PTPRD: variants seen among roughly 807,000 people sequenced by gnomAD.
PTPRD encodes receptor-type tyrosine-protein phosphatase delta.
PTPRD carries 34 observed loss-of-function variants against 214.5 expected under a neutral mutation model. The observed-to-expected ratio is 0.16, with a 90% CI of 0.12 to 0.21. PTPRD has a LOEUF of 0.21. PTPRD is among the 10% of genes least tolerant of loss of function. The probability of loss-of-function intolerance (pLI) is 1.00; values close to 1 mark genes in which losing one functional copy is unlikely to be tolerated. For missense variants in PTPRD, 2,545 were observed against 2,398.7 expected (o/e 1.06, Z -1.27); for synonymous variants, 1,128 against 845.7 (o/e 1.33, Z -5.79).
intron 4 of PTPRD, among the ~76,000 whole-genome samples, chr9:9,959,010 G>C (rs1239567263): frequency 2.6e-5 from 4 of 152,150 alleles, no homozygotes; most frequent in Admixed American, 1.3e-4. Flanking sequence ...TATAAACCCT[G>C]TTGTTTCTAA....
In PTPRD at chr9:9,101,956, G is replaced by C. The variant is rs541573462; in HGVS notation, c.-143+81348C>G. 1.3e-4 allele frequency among the ~76,000 whole-genome samples: 20 copies of C among 152,192 alleles called. 1 individual carries two copies. The South Asian group carries it at 3.7e-3, about 28-fold the overall frequency. ...ATAATGATACCTCTTGGCTATATTT[G>C]CATGGAATTTAAAAAACACACACAA... On this transcript the variant is annotated intron_variant, in intron 10 of 45. Transcript: ENST00000381196.
At chr9:10,518,535 A>ATTTT (rs370269291) in intron 2 of PTPRD, among the ~76,000 whole-genome samples, 1 of 145,872 alleles carries the variant, frequency 6.9e-6, no homozygotes, top group Non-Finnish European at 1.5e-5. Context: ...ATCATTTACA[A>ATTTT]TTTTTTTTTT....
intron 3 of PTPRD, among the ~76,000 whole-genome samples, chr9:10,239,130 T>G (rs2099638511): frequency 6.6e-6 from 1 of 151,942 alleles, no homozygotes; most frequent in African/African-American, 2.4e-5. Context: ...ATAGACTAAG[T>G]TTCCATAAAG....
chr9:9,297,868 T>G (rs1953695130), intron 9 of PTPRD, among the ~76,000 whole-genome samples: 1 of 151,814 alleles, frequency 6.6e-6, no homozygotes, highest in Non-Finnish European at 1.5e-5. Context: ...TGTCATCTAC[T>G]GTTTTAATAC....
intron 5 of PTPRD, among the ~76,000 whole-genome samples, chr9:9,892,746 A>T (rs2073795067): frequency 2.7e-5 from 4 of 148,872 alleles, no homozygotes; most frequent in South Asian, 2.1e-4. Context: ...TAACGAGGTA[A>T]AAAAAAAAAA....
chr9:8,809,046 A>G (rs777741997), intron 11 of PTPRD, among the ~76,000 whole-genome samples: 7 of 152,134 alleles, frequency 4.6e-5, no homozygotes, highest in African/African-American at 1.2e-4. Context: ...CAGTGAAACT[A>G]ACTAAGACCA....
At chr9:8,387,017 G>A (rs1001840431) in intron 37 of PTPRD, among the ~76,000 whole-genome samples, 14 of 152,262 alleles carry the variant, frequency 9.2e-5, no homozygotes, top group African/African-American at 3.4e-4. Context: ...CAGATTGGTG[G>A]TGGCTGAGAC....
At chr9:9,868,260 G>A (rs1018834956) in intron 5 of PTPRD, among the ~76,000 whole-genome samples, 4 of 152,162 alleles carry the variant, frequency 2.6e-5, no homozygotes, top group African/African-American at 7.2e-5. Context: ...GTGAGATATC[G>A]AAGATGACAG....
intron 11 of PTPRD, among the ~76,000 whole-genome samples, chr9:8,850,735 T>A (rs1295563523): frequency 6.6e-6 from 1 of 152,230 alleles, no homozygotes; most frequent in Non-Finnish European, 1.5e-5. Flanking sequence ...GAAGTCTGAA[T>A]TGGTTTTTCT....
chr9:9,610,306 AT>A (rs1434730298), intron 7 of PTPRD, among the ~76,000 whole-genome samples: 1 of 152,208 alleles, frequency 6.6e-6, no homozygotes, highest in Non-Finnish European at 1.5e-5. Context: ...TATAAACAAG[AT>A]TTAGTTAAAT....
At chr9:8,462,794 C>T (rs1045464120) in intron 32 of PTPRD, among the ~76,000 whole-genome samples, 1 of 151,804 alleles carries the variant, frequency 6.6e-6, no homozygotes, top group Admixed American at 6.6e-5. Flanking sequence ...TTTATTTAGT[C>T]CTTGTTTTTT....
chr9:9,875,526 C>T (rs943037038), intron 5 of PTPRD, among the ~76,000 whole-genome samples: 1 of 152,072 alleles, frequency 6.6e-6, no homozygotes, highest in Non-Finnish European at 1.5e-5. Flanking sequence ...GCTTTACTCT[C>T]AGGACCACCA....
At chr9:10,420,247 G>C (rs1430551987) in intron 2 of PTPRD, among the ~76,000 whole-genome samples, 2 of 151,842 alleles carry the variant, frequency 1.3e-5, no homozygotes, top group African/African-American at 4.8e-5. Context: ...AATTAACATT[G>C]AGTTTACTCT....
At chr9:10,282,483 G>A (rs1256024646) in intron 3 of PTPRD, among the ~76,000 whole-genome samples, 1 of 151,962 alleles carries the variant, frequency 6.6e-6, no homozygotes, top group African/African-American at 2.4e-5. Flanking sequence ...ATTTCCCAGG[G>A]TACTTATTTT....
At chr9:8,722,123 C>CTGTGTGTGTGTGTGTGTGTGTGTG (rs34720946) in intron 12 of PTPRD, among the ~76,000 whole-genome samples, 2 of 147,368 alleles carry the variant, frequency 1.4e-5, no homozygotes, top group African/African-American at 2.5e-5. Flanking sequence ...AAGTATTACT[C>CTGTGTGTGTGTGTGTGTGTGTGTG]TGTGTGTGTG....
At chr9:8,809,229 T>A (rs966200382) in intron 11 of PTPRD, among the ~76,000 whole-genome samples, 3 of 152,130 alleles carry the variant, frequency 2.0e-5, no homozygotes, top group Non-Finnish European at 2.9e-5. Context: ...GTAATATCTG[T>A]ATATTCAGAG....
chr9:9,459,610 C>T (rs866372288), intron 8 of PTPRD, among the ~76,000 whole-genome samples: 5 of 152,056 alleles, frequency 3.3e-5, no homozygotes, highest in Middle Eastern at 6.8e-3. Flanking sequence ...AAAACAGCCA[C>T]AAAAATACCT....
intron 9 of PTPRD, among the ~76,000 whole-genome samples, chr9:9,323,084 C>T (rs909614785): frequency 2.0e-5 from 3 of 151,664 alleles, no homozygotes; most frequent in Non-Finnish European, 2.9e-5. Context: ...TTTTGAATAC[C>T]CTAGGGCACT....
At chr9:9,519,373 AC>A (rs888663569) in intron 8 of PTPRD, among the ~76,000 whole-genome samples, 3 of 146,264 alleles carry the variant, frequency 2.1e-5, no homozygotes, top group East Asian at 2.0e-4. Context: ...AACAAAAAAA[AC>A]CAGAGAGAGA....
Sources: gnomAD v4.1 joint callset for allele counts (sites outside exome capture counted in the v4.1 genomes callset) on GRCh38, gnomAD v4.1.1 for gene constraint, MANE v1.5 for transcripts, NCBI Gene and HGNC (gene_info 2026-07-23, HGNC 2026-07-21) for gene names.